The following EYA3 variants were observed in gnomAD, a reference collection of about 807,000 sequenced individuals.
EYA3 encodes the protein protein phosphatase EYA3.
A neutral mutation model predicts 80.0 loss-of-function variants in EYA3; 39 were observed. The ratio of observed to expected loss-of-function variants is 0.49; its 90% confidence interval spans 0.38 to 0.64. The LOEUF (loss-of-function observed/expected upper bound fraction) is 0.64. Among genes scored for constraint, EYA3 ranks in the 30% least tolerant of loss-of-function variants. EYA3 has a pLI of 0.00. For missense variants in EYA3, 523 were observed against 676.1 expected (o/e 0.77, Z 2.51); for synonymous variants, 206 against 232.8 (o/e 0.88, Z 1.05).
intron 1 of EYA3, among the ~76,000 whole-genome samples, chr1:28,077,638 GA>G (rs200519790): frequency 6.7e-6 from 1 of 148,310 alleles, no homozygotes; most frequent in Non-Finnish European, 1.5e-5. Flanking sequence ...CAAGTGACAT[GA>G]AAAAAAAACA....
chr1:28,051,972 A>G (rs927112311), intron 2 of EYA3, among the ~76,000 whole-genome samples: 4 of 151,710 alleles, frequency 2.6e-5, no homozygotes, highest in African/African-American at 9.7e-5. Context: ...AAAAAAAAAA[A>G]AGAACAAAGT....
chr1:27,993,956 G>T (rs1223302661), intron 13 of EYA3, among the ~76,000 whole-genome samples: 1 of 152,164 alleles, frequency 6.6e-6, no homozygotes, highest in African/African-American at 2.4e-5. Flanking sequence ...AAAAAATAAT[G>T]AAAGGAAATA....
At chr1:28,071,054 C>A (rs1041303768) in intron 1 of EYA3, among the ~76,000 whole-genome samples, 3 of 152,154 alleles carry the variant, frequency 2.0e-5, no homozygotes, top group African/African-American at 7.2e-5. Flanking sequence ...TCAGGAGTAG[C>A]CGGGATTACA....
chr1:28,070,882 A>G (rs1644996537), intron 1 of EYA3, among the ~76,000 whole-genome samples: 1 of 152,164 alleles, frequency 6.6e-6, no homozygotes, highest in African/African-American at 2.4e-5. Flanking sequence ...CAACACTAGT[A>G]TTTGCAAGAC....
intron 7 of EYA3, among the ~76,000 whole-genome samples, chr1:28,020,408 A>G (rs2148812196): frequency 6.6e-6 from 1 of 152,304 alleles, no homozygotes; most frequent in East Asian, 1.9e-4. Context: ...CAAACCCATT[A>G]AGTATATCAG....
chr1:28,021,270 C>T (rs750374430), intron 7 of EYA3, among the ~76,000 whole-genome samples: 2 of 152,214 alleles, frequency 1.3e-5, no homozygotes, highest in African/African-American at 2.4e-5. Flanking sequence ...TTCTCTCCAA[C>T]CCCCTTGCCT....
chr1:28,042,682 T>G (rs1016290837), intron 3 of EYA3, 32 bp from the exon 4 acceptor site: 11 of 1,573,090 alleles, frequency 7.0e-6, no homozygotes, highest in Admixed American at 1.7e-5. Context: ...CATTAGCCCC[T>G]GATTGATTTG....
At chr1:28,026,458 T>C (rs796503795) in intron 7 of EYA3, among the ~76,000 whole-genome samples, 34 of 152,036 alleles carry the variant, frequency 2.2e-4, no homozygotes, top group African/African-American at 8.2e-4. Flanking sequence ...TCTAAAAAAA[T>C]ATAGAATACA....
At chr1:28,030,012 T>TA (rs1378614999) in intron 6 of EYA3, among the ~76,000 whole-genome samples, 1 of 152,196 alleles carries the variant, frequency 6.6e-6, no homozygotes, top group Non-Finnish European at 1.5e-5. Flanking sequence ...ACATTCCATG[T>TA]ATGATATCAA....
At chr1:27,977,315 T>TA (rs1311168521) in intron 17 of EYA3, 1 of 1,550,460 alleles carries the variant, frequency 6.4e-7, no homozygotes, top group East Asian at 2.4e-5. Context: ...GGTTTCCACT[T>TA]AACTGGATGA....
chr1:28,075,278 C>T (rs959803227), intron 1 of EYA3, among the ~76,000 whole-genome samples: 1 of 152,166 alleles, frequency 6.6e-6, no homozygotes, highest in East Asian at 1.9e-4. Context: ...ATCTCATTTC[C>T]CAGCTTTTCC....
At chr1:27,982,464 TAA>T (rs79840179) in intron 16 of EYA3, among the ~76,000 whole-genome samples, 17 of 138,132 alleles carry the variant, frequency 1.2e-4, no homozygotes, top group Admixed American at 2.2e-4. Flanking sequence ...TGCTCTAGAT[TAA>T]AAAAAAAAAA....
At chr1:28,017,388 G>A in intron 7 of EYA3, 149 bp from the exon 8 acceptor site, 1 of 566,860 alleles carries the variant, frequency 1.8e-6, no homozygotes, top group South Asian at 2.3e-5. Context: ...TTTTTTGTGT[G>A]GGATAGCTAC....
At chr1:28,053,868 T>C (rs1644355890) in intron 2 of EYA3, among the ~76,000 whole-genome samples, 1 of 152,220 alleles carries the variant, frequency 6.6e-6, no homozygotes, top group Non-Finnish European at 1.5e-5. Flanking sequence ...ATTAAGCATC[T>C]CAAATGTCAT....
At chr1:27,984,348 G>GT (rs1417138391) in intron 16 of EYA3, among the ~76,000 whole-genome samples, 2 of 151,742 alleles carry the variant, frequency 1.3e-5, no homozygotes, top group African/African-American at 4.8e-5. Context: ...ATATTTAACT[G>GT]TATGTAAAAT....
In EYA3 at chr1:28,066,679, G is replaced by A. The variant is rs1399412594; in HGVS notation, c.-68-8585C>T. ...TCAAAGAAAGCATAAACAAGAATTT[G>A]ACAAATCCAATTATGTAAAATAAAC... On this transcript the variant is annotated intron_variant, in intron 1 of 17. Coordinates refer to ENST00000373871, the MANE Select transcript of EYA3 (RefSeq NM_001990.4). Among the ~76,000 whole-genome samples, 5 of 151,628 alleles carry A rather than the reference G, an allele frequency of 3.3e-5. No homozygotes were observed. The East Asian group carries it at 9.7e-4, about 29-fold the overall frequency.
chr1:28,026,351 C>G (rs559683892), intron 7 of EYA3, among the ~76,000 whole-genome samples: 1 of 152,208 alleles, frequency 6.6e-6, no homozygotes, highest in South Asian at 2.1e-4. Flanking sequence ...TGTGGTGGCT[C>G]ACATCTATAA....
At chr1:28,007,638 C>T (rs575916780) in intron 10 of EYA3, among the ~76,000 whole-genome samples, 2 of 151,972 alleles carry the variant, frequency 1.3e-5, no homozygotes, top group South Asian at 4.2e-4. Context: ...GGCCAATCAG[C>T]TGTATTTCTA....
intron 14 of EYA3, among the ~76,000 whole-genome samples, chr1:27,991,422 A>G (rs968445237): frequency 6.6e-6 from 1 of 152,186 alleles, no homozygotes. Flanking sequence ...CCAAGACTAG[A>G]TATCTAAGCA....
Sources: gnomAD v4.1 joint callset for allele counts (sites outside exome capture counted in the v4.1 genomes callset) on GRCh38, gnomAD v4.1.1 for gene constraint, MANE v1.5 for transcripts, NCBI Gene and HGNC (gene_info 2026-07-23, HGNC 2026-07-21) for gene names.